MAF: variants seen among roughly 807,000 people sequenced by gnomAD.
The protein encoded by MAF is transcription factor Maf.
A neutral mutation model predicts 22.0 loss-of-function variants in MAF; 10 were observed. That is an observed-to-expected ratio of 0.45 (90% confidence interval 0.28 to 0.77). The LOEUF (loss-of-function observed/expected upper bound fraction) is 0.77. Ranked by LOEUF, MAF falls within the 30% of genes least tolerant of loss-of-function variation. MAF has a pLI of 0.12. For synonymous variants in MAF, 337 were observed against 255.8 expected, an observed-to-expected ratio of 1.32 and a Z score of -3.03; for missense variants, 544 against 548.4, an observed-to-expected ratio of 0.99 and a Z score of 0.08.
the MAF span, among the ~76,000 whole-genome samples, chr16:79,568,615 G>A: frequency 7.9e-5 from 12 of 152,232 alleles, no homozygotes; most frequent in East Asian, 1.9e-4. Flanking sequence ...GATATCATCC[G>A]GTTTCTGAGT....
At chr16:79,543,461 G>A in the MAF span, among the ~76,000 whole-genome samples, 2 of 152,134 alleles carry the variant, frequency 1.3e-5, no homozygotes, top group Admixed American at 1.3e-4. Context: ...GACACCTAGC[G>A]GATGTTCAAC....
At chr16:79,212,463 A>ATCATTC in the MAF span, 1 of 241,328 alleles carries the variant, frequency 4.1e-6, no homozygotes, top group Non-Finnish European at 8.1e-6. Context: ...AATTTTTCAA[A>ATCATTC]TCATTCCTTA....
At chr16:79,377,870 C>A in the MAF span, among the ~76,000 whole-genome samples, 5 of 152,112 alleles carry the variant, frequency 3.3e-5, no homozygotes, top group African/African-American at 1.2e-4. Flanking sequence ...GGGCTCTGTT[C>A]TGTTCCATTG....
At chr16:79,323,899 C>T in the MAF span, among the ~76,000 whole-genome samples, 50 of 152,248 alleles carry the variant, frequency 3.3e-4, no homozygotes, top group African/African-American at 1.2e-3. Flanking sequence ...CTTTTATTGC[C>T]TACGGCGGGG....
the MAF span, chr16:79,212,167 CCACCACTGCAGCCGGGGG>C: frequency 1.3e-6 from 2 of 1,486,918 alleles, no homozygotes; most frequent in African/African-American, 3.1e-5. Flanking sequence ...ACCACCACGG[CCACCACTGCAGCCGGGGG>C]CTGGCCTTCT....
At chr16:79,221,691 G>C in the MAF span, among the ~76,000 whole-genome samples, 3 of 152,000 alleles carry the variant, frequency 2.0e-5, no homozygotes, top group Non-Finnish European at 2.9e-5. Context: ...GTGTGTACAT[G>C]TGCATGAGTG....
the MAF span, among the ~76,000 whole-genome samples, chr16:79,566,939 A>C: frequency 6.6e-6 from 1 of 152,174 alleles, no homozygotes; most frequent in South Asian, 2.1e-4. Flanking sequence ...AATACCTCTT[A>C]GGGCATTTTA....
At chr16:79,368,740 C>T in the MAF span, among the ~76,000 whole-genome samples, 3 of 152,252 alleles carry the variant, frequency 2.0e-5, no homozygotes, top group South Asian at 2.1e-4. Flanking sequence ...ACTCCTGCCT[C>T]GGGACTTTTG....
At chr16:79,409,413 C>T in the MAF span, among the ~76,000 whole-genome samples, 1 of 152,198 alleles carries the variant, frequency 6.6e-6, no homozygotes, top group Admixed American at 6.5e-5. Context: ...GGCTGAGAGA[C>T]ATCTGTGTTT....
chr16:79,311,573 G>A, the MAF span, among the ~76,000 whole-genome samples: 10 of 151,878 alleles, frequency 6.6e-5, no homozygotes, highest in African/African-American at 2.2e-4. Context: ...GGGGTACTGT[G>A]AGTATGAGGG....
downstream of MAF, among the ~76,000 whole-genome samples, chr16:79,581,982 C>T (rs564732596): frequency 3.9e-5 from 6 of 152,242 alleles, no homozygotes; most frequent in East Asian, 1.2e-3. Flanking sequence ...TTTATAAGTG[C>T]TAATAATTTT....
At chr16:79,238,803 C>T in the MAF span, among the ~76,000 whole-genome samples, 1 of 151,828 alleles carries the variant, frequency 6.6e-6, no homozygotes, top group African/African-American at 2.4e-5. Context: ...ATCTGGTCAC[C>T]TAGGCAGGCA....
At chr16:79,272,330 A>C in the MAF span, among the ~76,000 whole-genome samples, 1 of 152,236 alleles carries the variant, frequency 6.6e-6, no homozygotes, top group Non-Finnish European at 1.5e-5. Flanking sequence ...ACCACATGAA[A>C]AGTGCAGAGA....
chr16:79,213,897 A>T, the MAF span, among the ~76,000 whole-genome samples: 1 of 152,174 alleles, frequency 6.6e-6, no homozygotes, highest in African/African-American at 2.4e-5. Flanking sequence ...ATTTTTTTCT[A>T]CCCTACTTCT....
the MAF span, among the ~76,000 whole-genome samples, chr16:79,330,387 G>T: frequency 1.3e-5 from 2 of 152,150 alleles, no homozygotes; most frequent in Non-Finnish European, 2.9e-5. Flanking sequence ...TTCTAATTTT[G>T]TTAGCAATCC....
chr16:79,256,988 C>T, the MAF span, among the ~76,000 whole-genome samples: 1 of 152,026 alleles, frequency 6.6e-6, no homozygotes, highest in Non-Finnish European at 1.5e-5. Context: ...ACCAGCCTGG[C>T]CAACATGATG....
At chr16:79,409,045 T>C in the MAF span, among the ~76,000 whole-genome samples, 27 of 149,942 alleles carry the variant, frequency 1.8e-4, no homozygotes, top group South Asian at 5.3e-3. Context: ...GGTGGGGGAG[T>C]CACCTAGACT....
the MAF span, among the ~76,000 whole-genome samples, chr16:79,477,808 T>C: frequency 6.6e-6 from 1 of 152,116 alleles, no homozygotes; most frequent in East Asian, 1.9e-4. Flanking sequence ...CACCACAACC[T>C]CCGCCTCCTG....
At chr16:79,436,674 A>G in the MAF span, among the ~76,000 whole-genome samples, 12 of 152,256 alleles carry the variant, frequency 7.9e-5, no homozygotes, top group African/African-American at 2.7e-4. Context: ...AAAGACATTT[A>G]AAAGGGAGAC....
Sources: allele counts gnomAD v4.1 joint callset (sites outside exome capture counted in the v4.1 genomes callset), GRCh38; gene constraint gnomAD v4.1.1; transcripts MANE v1.5; gene names NCBI Gene and HGNC (gene_info 2026-07-23, HGNC 2026-07-21).